WDR25: variants seen among roughly 807,000 people sequenced by gnomAD.
WDR25 encodes the protein WD repeat-containing protein 25.
A neutral mutation model predicts 47.7 loss-of-function variants in WDR25; 35 were observed. The ratio of observed to expected loss-of-function variants is 0.73; its 90% confidence interval spans 0.56 to 0.97. WDR25 has a LOEUF of 0.97. WDR25 is among the 50% of genes least tolerant of loss of function. The pLI, the probability that WDR25 is intolerant of heterozygous loss-of-function variation, is 0.00. For missense variants in WDR25, 634 were observed against 704.7 expected (o/e 0.90, Z 1.14); for synonymous variants, 248 against 278.9 (o/e 0.89, Z 1.10).
chr14:100,434,062 C>CAA (rs140976497), intron 2 of WDR25, among the ~76,000 whole-genome samples: 1,414 of 132,768 alleles, frequency 0.011, 30 homozygotes, highest in African/African-American at 0.036. Context: ...GCCGTTTCTA[C>CAA]AAAAAAAAAA....
chr14:100,396,786 C>G (rs1897269796), intron 2 of WDR25, among the ~76,000 whole-genome samples: 1 of 152,206 alleles, frequency 6.6e-6, no homozygotes, highest in Non-Finnish European at 1.5e-5. Context: ...GCCACAGGTC[C>G]CTGGGCCAGA....
chr14:100,404,604 G>T lies in WDR25; in HGVS notation c.822+22858G>T, dbSNP rs1009341030. Among the ~76,000 whole-genome samples, 4 of 152,182 alleles carry T rather than the reference G, an allele frequency of 2.6e-5. No individual in the cohort carries two copies. Among genetic ancestry groups the T allele is most frequent in the Admixed American group, 2.6e-4 (4 of 15,280 alleles). On this transcript the variant is annotated intron_variant, in intron 2 of 6. Coordinates refer to ENST00000402312, the MANE Select transcript of WDR25 (RefSeq NM_001161476.3). The surrounding 1 kb of genome is among the most constrained non-coding windows in gnomAD (Gnocchi z 4.6). ...GTGCAAATGCATCCTTATCTCTGTA[G>T]TGCTTCCTCCCAGGCATAGGGTCCG...
intron 3 of WDR25, chr14:100,481,103 C>CAAAAAAAAAAAAAAAAAAAAAAAAAG: frequency 4.0e-6 from 1 of 246,946 alleles, no homozygotes; most frequent in South Asian, 2.8e-5. Context: ...CAAAAAAGTG[C>CAAAAAAAAAAAAAAAAAAAAAAAAAG]AAAAAAAAAA....
chr14:100,468,123 A>T lies in WDR25; in HGVS notation c.925A>T (p.Ser309Cys). ...GGCTCCCTGTGGCCGGCGCATCCTC[A>T]GTGGTGGCTTTGACTTCGCGCTGCA... ...RWAPCGRRIL[S>C]GGFDFALHLT... The change falls in exon 3 of 7, where the codon AGT becomes TGT. Residue 309 changes from serine to cysteine, a missense_variant. By Grantham distance (112) the Ser-to-Cys change is moderately radical. Transcript: ENST00000402312. The surrounding 1 kb of genome is among the most constrained non-coding windows in gnomAD (Gnocchi z 4.5). 6.2e-7 allele frequency: 1 copy of T among 1,613,614 alleles called. No individual in the cohort carries two copies. The highest frequency in any genetic ancestry group is 8.5e-7 in the Non-Finnish European group (1 of 1,180,006).
At chr14:100,414,180 TAG>T (rs1237294809) in intron 2 of WDR25, among the ~76,000 whole-genome samples, 1 of 152,192 alleles carries the variant, frequency 6.6e-6, no homozygotes, top group African/African-American at 2.4e-5. Flanking sequence ...GTATTTTTAG[TAG>T]AGACGAGGTC....
rs1189711715 is a variant in WDR25 at position 100,468,932 on chromosome 14, C to G, written c.970+764C>G. ...CTTTCCTTTCCTTTCCCTCTATGTT[C>G]TCTTTCTTTTCTTTCTTTCCTTTTT... On this transcript the variant is annotated intron_variant, in intron 3 of 6. Coordinates refer to ENST00000402312, the MANE Select transcript of WDR25 (RefSeq NM_001161476.3). The surrounding 1 kb of genome is among the most constrained non-coding windows in gnomAD (Gnocchi z 4.5). 6.6e-6 allele frequency among the ~76,000 whole-genome samples: 1 copy of G among 151,292 alleles called. No homozygotes were observed. Among genetic ancestry groups the G allele is most frequent in the Non-Finnish European group, 1.5e-5 (1 of 67,866 alleles).
At chr14:100,433,050 G>A (rs1388628136) in intron 2 of WDR25, among the ~76,000 whole-genome samples, 2 of 152,194 alleles carry the variant, frequency 1.3e-5, no homozygotes, top group African/African-American at 4.8e-5. Flanking sequence ...GACCACTGCC[G>A]TGCATGTGGA....
chr14:100,396,271 C>T (rs184121764), intron 2 of WDR25, among the ~76,000 whole-genome samples: 25 of 152,292 alleles, frequency 1.6e-4, no homozygotes, highest in Admixed American at 1.3e-4. Context: ...CCACTGCGCC[C>T]GGCCGAAATG....
Position 100,529,160 on chromosome 14 carries a change from T to C in WDR25, c.1365T>C (p.Thr455=). ...TNGNYLALFS[T]VWPYRMSRRR... ...GCAACTACCTGGCCCTTTTCTCCAC[T>C]GTGTGGCCCTACCGGATGAGCAGAC... Residue 455 remains threonine (T), a synonymous_variant, in exon 6 of 7, where the codon ACT becomes ACC. Transcript: ENST00000402312. This position sits in a 1 kb window ranked among gnomAD's most constrained non-coding sequence, Gnocchi z 5.1. 1.2e-6 allele frequency: 2 copies of C among 1,610,154 alleles called. No homozygotes were observed. Among genetic ancestry groups the C allele is most frequent in the East Asian group, 2.2e-5 (1 of 44,718 alleles).
intron 2 of WDR25, among the ~76,000 whole-genome samples, chr14:100,450,984 G>C (rs1017143098): frequency 6.6e-6 from 1 of 152,208 alleles, no homozygotes; most frequent in Admixed American, 6.5e-5. Context: ...AGCTGTGCGG[G>C]TCCACAAGAG....
At chr14:100,381,957 A>G in intron 2 of WDR25, 1 of 645,368 alleles carries the variant, frequency 1.5e-6, no homozygotes. Flanking sequence ...TGCCTTGCTC[A>G]GGTTACCAGA....
Position 100,425,448 on chromosome 14 carries a change from A to G in WDR25, c.823-42573A>G, listed in dbSNP as rs1482023064. ...GCTAGGATTTGGACCTACATTTGCTATATTCCAAAGCCCCTGCTCTTTCTA... is the reference window on the plus strand; with the variant it reads ...GCTAGGATTTGGACCTACATTTGCTGTATTCCAAAGCCCCTGCTCTTTCTA... On this transcript the variant is annotated intron_variant, in intron 2 of 6. Transcript: ENST00000402312. This position sits in a 1 kb window ranked among gnomAD's most constrained non-coding sequence, Gnocchi z 4.8. 6.6e-6 allele frequency among the ~76,000 whole-genome samples: 1 copy of G among 152,226 alleles called. No individual in the cohort carries two copies. Among genetic ancestry groups the G allele is most frequent in the Non-Finnish European group, 1.5e-5 (1 of 68,042 alleles).
intron 2 of WDR25, among the ~76,000 whole-genome samples, chr14:100,411,801 G>A (rs1333673128): frequency 6.6e-6 from 1 of 152,172 alleles, no homozygotes; most frequent in East Asian, 1.9e-4. Flanking sequence ...CTCCCAAAGT[G>A]TTGGGATTAC....
chr14:100,387,940 T>C (rs1376630406), intron 2 of WDR25, among the ~76,000 whole-genome samples: 3 of 152,256 alleles, frequency 2.0e-5, no homozygotes, highest in African/African-American at 7.2e-5. Flanking sequence ...TGTTGATTTA[T>C]CATTGTTAGT....
intron 5 of WDR25, 122 bp from the exon 6 acceptor site, chr14:100,528,946 A>G: frequency 4.3e-6 from 5 of 1,173,674 alleles, no homozygotes; most frequent in Non-Finnish European, 4.6e-6. Flanking sequence ...GATTTGTCAC[A>G]GCAGTGATAG....
intron 2 of WDR25, among the ~76,000 whole-genome samples, chr14:100,452,704 G>T (rs8008703): frequency 0.049 from 7,474 of 152,156 alleles, 595 homozygotes; most frequent in African/African-American, 0.17. Context: ...TGGGGTGGGG[G>T]GCTATAACTC....
rs545280444 is a variant in WDR25, at chr14:100,488,824, G to A, written c.1101+4700G>A. Among the ~76,000 whole-genome samples the A allele has an allele frequency of 1.6e-4, 25 of 152,312 alleles. No homozygotes were observed. In the South Asian group the frequency reaches 4.8e-3, roughly 29 times the overall value. ...ATCTGTGACCTATCTCAGGGACAAC[G>A]ATCACTCTTGATCTGTGGGCACTTT... On this transcript the variant is annotated intron_variant, in intron 4 of 6. Transcript: ENST00000402312. This position sits in a 1 kb window ranked among gnomAD's most constrained non-coding sequence, Gnocchi z 4.2.
intron 2 of WDR25, among the ~76,000 whole-genome samples, chr14:100,446,281 G>A (rs1595096056): frequency 1.3e-5 from 2 of 152,178 alleles, no homozygotes; most frequent in Admixed American, 6.5e-5. Flanking sequence ...TGGGCTGGTC[G>A]TGGTGGCTCA....
intron 4 of WDR25, among the ~76,000 whole-genome samples, chr14:100,517,279 G>A (rs890766506): frequency 4.0e-5 from 6 of 151,726 alleles, no homozygotes; most frequent in Non-Finnish European, 5.9e-5. Flanking sequence ...GGGTTTCACC[G>A]TGTTAGCCAG....
Sources: gnomAD v4.1 joint callset for allele counts (sites outside exome capture counted in the v4.1 genomes callset) on GRCh38, gnomAD v4.1.1 for gene constraint, Gnocchi (gnomAD v3.1) non-coding constraint, MANE v1.5 for transcripts, NCBI Gene and HGNC (gene_info 2026-07-23, HGNC 2026-07-21) for gene names.